Variants in IPP observed in about 807,000 individuals in gnomAD.
IPP encodes the protein intracisternal A particle-promoted polypeptide, also known as actin-binding protein IPP.
A neutral mutation model predicts 64.1 loss-of-function variants in IPP; 41 were observed. The ratio of observed to expected loss-of-function variants is 0.64; its 90% CI spans 0.50 to 0.83. The LOEUF is 0.83. IPP is among the 40% of genes least tolerant of loss of function. The pLI is 0.00. For missense variants in IPP, 649 were observed against 703.0 expected, an observed-to-expected ratio of 0.92 and a Z score of 0.87; for synonymous variants, 214 against 235.2, an observed-to-expected ratio of 0.91 and a Z score of 0.83.
intron 1 of IPP, among the ~76,000 whole-genome samples, 151 bp from the exon 2 acceptor site, chr1:45,746,612 G>A (rs922408010): frequency 6.6e-6 from 1 of 152,128 alleles, no homozygotes; most frequent in East Asian, 1.9e-4. Flanking sequence ...TTTCTAATAT[G>A]GTTTCAGAGA....
intron 6 of IPP, among the ~76,000 whole-genome samples, chr1:45,717,412 T>G (rs1008055932): frequency 2.6e-5 from 4 of 152,132 alleles, no homozygotes; most frequent in African/African-American, 9.7e-5. Context: ...CAAGGCCAGC[T>G]CCAAACCTAA....
At chr1:45,721,168 C>T (rs1311767905) in intron 5 of IPP, among the ~76,000 whole-genome samples, 2 of 152,274 alleles carry the variant, frequency 1.3e-5, no homozygotes, top group East Asian at 3.9e-4. Context: ...CTAAAAATGC[C>T]TGTCCTTAGA....
chr1:45,724,988 G>A (rs1173282611), intron 5 of IPP, among the ~76,000 whole-genome samples: 10 of 145,718 alleles, frequency 6.9e-5, no homozygotes, highest in African/African-American at 2.3e-4. Context: ...CCCTCTGCCC[G>A]GCCAGTCGCC....
At chr1:45,735,573 A>G (rs1199634959) in intron 3 of IPP, among the ~76,000 whole-genome samples, 1 of 138,828 alleles carries the variant, frequency 7.2e-6, no homozygotes, top group East Asian at 2.1e-4. Context: ...CCTTGGCTCA[A>G]TTGATCCTCC....
In IPP at chr1:45,699,812, G is replaced by A; in HGVS notation, c.*154C>T. 6.9e-7 allele frequency: 1 copy of A among 1,440,280 alleles called. No homozygotes were observed. The highest frequency in any genetic ancestry group is 1.5e-5 in the South Asian group (1 of 67,516). The allele number at this position is 1,440,280 out of a possible 1,614,324, so 89.2% of individuals were successfully genotyped here. A position where few individuals can be genotyped will look rare whatever the true frequency, so the allele number is the denominator to read the frequency against. Reference sequence around the variant, plus strand: ...CAAAGTGCTGGGATTATAGGCATGAGGCCACTGCGCCCAGCCTCGTTAGTC... The same window carrying A: ...CAAAGTGCTGGGATTATAGGCATGAAGCCACTGCGCCCAGCCTCGTTAGTC... On this transcript the variant is annotated 3_prime_UTR_variant, in exon 9 of 9. Transcript: ENST00000396478.
downstream of IPP, chr1:45,694,502 G>T (rs751927830): frequency 2.0e-6 from 3 of 1,524,710 alleles, no homozygotes; most frequent in African/African-American, 1.4e-5. Context: ...GGAAAACCTC[G>T]TATCTGTGAG....
chr1:45,696,482 T>C (rs1187103714), downstream of IPP, among the ~76,000 whole-genome samples: 1 of 152,194 alleles, frequency 6.6e-6, no homozygotes, highest in East Asian at 1.9e-4. Flanking sequence ...GTACATTCTT[T>C]TAAAAACAAT....
chr1:45,708,760 G>C (rs145213877), intron 8 of IPP, among the ~76,000 whole-genome samples: 1 of 150,532 alleles, frequency 6.6e-6, no homozygotes, highest in Admixed American at 6.6e-5. Flanking sequence ...GTCTGAACGC[G>C]GTGGCTCATG....
At chr1:45,725,221 G>GC (rs1177232502) in intron 5 of IPP, among the ~76,000 whole-genome samples, 2 of 139,868 alleles carry the variant, frequency 1.4e-5, no homozygotes, top group Non-Finnish European at 3.1e-5. Flanking sequence ...GGGGGGGTCA[G>GC]CCCCCCGCCT....
chr1:45,727,538 A>G (rs1322696566), intron 5 of IPP, 93 bp downstream of exon 5: 2 of 590,720 alleles, frequency 3.4e-6, no homozygotes, highest in African/African-American at 4.0e-5. Context: ...ACAATTAGAT[A>G]TATGTATATC....
Position 45,699,177 on chromosome 1 carries a change from C to T in IPP, c.*789G>A. The stretch of plus-strand genomic sequence containing the variant: ...GAGCAAGCAAAAACTTATCATCAAG[C>T]AAAAAGGTATCTATCTATTAAAATA... On this transcript the variant is annotated 3_prime_UTR_variant, in exon 9 of 9. Coordinates refer to ENST00000396478, the MANE Select transcript of IPP (RefSeq NM_005897.3). The T allele has an allele frequency of 1.0e-6, 1 of 985,270 alleles. No homozygotes were observed. The highest frequency in any genetic ancestry group is 1.2e-6 in the Non-Finnish European group (1 of 829,886). 61.0% of individuals were successfully genotyped at this position (985,270 alleles called of 1,614,324 possible).
At position 45,699,870 on chromosome 1, in the gene IPP, A is replaced by G; in HGVS notation, c.*96T>C. ...TACCAAATACATGGAAAACTCACAG[A>G]ATCAGAGGGTCTTATCACCAAATCT... On this transcript the variant is annotated 3_prime_UTR_variant, in exon 9 of 9. Transcript: ENST00000396478. The G allele has an allele frequency of 6.5e-7, 1 of 1,534,782 alleles. No homozygotes were observed. The highest frequency in any genetic ancestry group is 8.7e-7 in the Non-Finnish European group (1 of 1,143,830).
At chr1:45,740,450 G>A (rs933831622) in intron 3 of IPP, among the ~76,000 whole-genome samples, 15 of 152,080 alleles carry the variant, frequency 9.9e-5, no homozygotes, top group African/African-American at 3.4e-4. Flanking sequence ...CCGGGCGGGG[G>A]GCTGAACCCC....
Position 45,724,996 on chromosome 1 carries a change from G to A in IPP, c.1048+2635C>T, listed in dbSNP as rs1308973352. Among the ~76,000 whole-genome samples, 10 of 133,836 alleles carry A rather than the reference G, an allele frequency of 7.5e-5. 1 individual carries two copies. Among genetic ancestry groups the A allele is most frequent in the African/African-American group, 2.2e-4 (8 of 35,946 alleles). The allele number at this position is 133,836 out of a possible 152,430, so 87.8% of individuals were successfully genotyped here. ...GAGGAGCCCCTCTGCCCGGCCAGTCGCCCCGTCCAGGTGGGAGGTGGGGGG... is the reference window on the plus strand; with the variant it reads ...GAGGAGCCCCTCTGCCCGGCCAGTCACCCCGTCCAGGTGGGAGGTGGGGGG... On this transcript the variant is annotated intron_variant, in intron 5 of 8. Coordinates refer to ENST00000396478, the MANE Select transcript of IPP (RefSeq NM_005897.3).
In IPP at chr1:45,728,967, A is replaced by T. The variant is rs527973922; in HGVS notation, c.880+647T>A. Among the ~76,000 whole-genome samples the T allele has an allele frequency of 7.7e-4, 114 of 147,468 alleles. 1 individual carries two copies. The highest frequency in any genetic ancestry group is 2.8e-3 in the African/African-American group (112 of 40,446). On this transcript the variant is annotated intron_variant, in intron 4 of 8. Coordinates refer to ENST00000396478, the MANE Select transcript of IPP (RefSeq NM_005897.3). ...ATGGTGAAACCCTGTCTCTACTTAA[A>T]ATATATATATATATATAGGTATACA...
chr1:45,747,541 G>T (rs1458835853), intron 1 of IPP, among the ~76,000 whole-genome samples: 1 of 151,978 alleles, frequency 6.6e-6, no homozygotes, highest in Non-Finnish European at 1.5e-5. Flanking sequence ...TTTAAATAAA[G>T]AAACTGCTGG....
intron 3 of IPP, 127 bp from the exon 4 acceptor site, chr1:45,729,896 T>G: frequency 1.6e-6 from 1 of 611,356 alleles, no homozygotes; most frequent in South Asian, 2.4e-5. Context: ...ACAATGGTGT[T>G]TGTTTCCTAC....
chr1:45,720,748 A>G (rs1192289947), intron 5 of IPP, among the ~76,000 whole-genome samples: 2 of 152,240 alleles, frequency 1.3e-5, no homozygotes, highest in Non-Finnish European at 2.9e-5. Context: ...ACAGAGCAGT[A>G]GGGAAACAAC....
In IPP at chr1:45,699,832, T is replaced by C; in HGVS notation, c.*134A>G. The C allele has an allele frequency of 6.8e-7, 1 of 1,466,126 alleles. No homozygotes were observed. The highest frequency in any genetic ancestry group is 9.0e-7 in the Non-Finnish European group (1 of 1,113,086). The allele number at this position is 1,466,126 out of a possible 1,614,324, so 90.8% of individuals were successfully genotyped here. ...CATGAGGCCACTGCGCCCAGCCTCG[T>C]TAGTCATTTATCTACCAAATACATG... is the stretch of plus-strand genomic sequence containing the variant. On this transcript the variant is annotated 3_prime_UTR_variant, in exon 9 of 9. Transcript: ENST00000396478.
Sources: allele counts gnomAD v4.1 joint callset (sites outside exome capture counted in the v4.1 genomes callset), GRCh38; gene constraint gnomAD v4.1.1; transcripts MANE v1.5; gene names NCBI Gene and HGNC (gene_info 2026-07-23, HGNC 2026-07-21).